PCDH11X: variants seen among roughly 807,000 people sequenced by gnomAD.
PCDH11X encodes the protein protocadherin-11 X-linked.
PCDH11X carries 18 observed loss-of-function variants against 53.3 expected under a neutral mutation model. The ratio of observed to expected loss-of-function variants is 0.34; its 90% confidence interval spans 0.23 to 0.50. The LOEUF (loss-of-function observed/expected upper bound fraction) is 0.50. Ranked by LOEUF, PCDH11X falls within the 20% of genes least tolerant of loss-of-function variation. The probability of loss-of-function intolerance (pLI) is 0.98; values close to 1 mark genes in which losing one functional copy is unlikely to be tolerated. For synonymous variants in PCDH11X, 279 were observed against 393.3 expected, an observed-to-expected ratio of 0.71 and a Z score of 3.44; for missense variants, 570 against 1,032.4, an observed-to-expected ratio of 0.55 and a Z score of 6.14.
chrX:92,406,172 A>C (rs1260750732), intron 9 of PCDH11X, among the ~76,000 whole-genome samples: 2 of 108,918 alleles, frequency 1.8e-5, no homozygotes, highest in African/African-American at 6.7e-5. Flanking sequence ...ATTTATATGC[A>C]TATAGATGAT....
intron 9 of PCDH11X, among the ~76,000 whole-genome samples, chrX:92,388,504 C>T (rs947408687): frequency 9.6e-5 from 10 of 104,684 alleles, no homozygotes; most frequent in African/African-American, 3.5e-4. Context: ...TTGCAAATTC[C>T]AAAGATGTTG....
At chrX:92,364,626 A>G in intron 8 of PCDH11X, among the ~76,000 whole-genome samples, 1 of 110,815 alleles carries the variant, frequency 9.0e-6, no homozygotes, top group Non-Finnish European at 1.9e-5. Context: ...TTCTTCAGTA[A>G]TAAATGAACC....
chrX:91,861,384 C>G (rs1311209950), intron 5 of PCDH11X, among the ~76,000 whole-genome samples: 10 of 110,266 alleles, frequency 9.1e-5, no homozygotes, highest in Non-Finnish European at 1.7e-4. Flanking sequence ...CCATAAACCC[C>G]TGACTGGAGT....
At chrX:91,873,420 C>T (rs1289315563) in intron 5 of PCDH11X, among the ~76,000 whole-genome samples, 1 of 110,946 alleles carries the variant, frequency 9.0e-6, no homozygotes, top group African/African-American at 3.3e-5. Flanking sequence ...TCATATTGAA[C>T]AGAGTAGTTG....
At chrX:92,514,088 T>A (rs954658219) in intron 10 of PCDH11X, among the ~76,000 whole-genome samples, 1 of 112,286 alleles carries the variant, frequency 8.9e-6, no homozygotes, top group Non-Finnish European at 1.9e-5. Flanking sequence ...TGTATGGACA[T>A]GACATATTTT....
At chrX:92,105,192 A>C (rs1172636500) in intron 6 of PCDH11X, among the ~76,000 whole-genome samples, 1 of 111,629 alleles carries the variant, frequency 9.0e-6, no homozygotes, top group Non-Finnish European at 1.9e-5. Context: ...ATTGAAATTA[A>C]GAGAAGGGAG....
rs1396864920 is a variant in PCDH11X at position 91,882,905 on chromosome X, A to T, written c.3033+3632A>T. ...GATAACGTGTTATTTTTCTTGTCCT[A>T]GACTGATTCCAGGACATCAACTATT... On this transcript the variant is annotated intron_variant, in intron 6 of 10. Transcript: ENST00000682573. 5.9e-6 allele frequency: 7 copies of T among 1,184,634 alleles called. No individual in the cohort carries two copies. Among genetic ancestry groups the T allele is most frequent in the Non-Finnish European group, 8.0e-6 (7 of 877,573 alleles).
intron 5 of PCDH11X, among the ~76,000 whole-genome samples, chrX:91,864,892 TTC>T (rs1257003286): frequency 9.0e-6 from 1 of 111,478 alleles, no homozygotes; most frequent in African/African-American, 3.3e-5. Flanking sequence ...TTTGTTAAAT[TTC>T]TCTGATAGAA....
At chrX:91,898,092 G>T (rs1331341633) in intron 6 of PCDH11X, among the ~76,000 whole-genome samples, 2 of 111,491 alleles carry the variant, frequency 1.8e-5, no homozygotes, top group Non-Finnish European at 3.8e-5. Flanking sequence ...ACAGGATCAT[G>T]AGGAGTAAAT....
At chrX:92,542,875 T>C (rs1366610710) in intron 10 of PCDH11X, among the ~76,000 whole-genome samples, 2 of 111,868 alleles carry the variant, frequency 1.8e-5, no homozygotes, top group Non-Finnish European at 1.9e-5. Flanking sequence ...AATATTGTTT[T>C]AGTCTCTTGA....
intron 9 of PCDH11X, among the ~76,000 whole-genome samples, chrX:92,398,003 A>G (rs868348173): frequency 1.8e-5 from 2 of 110,670 alleles, no homozygotes; most frequent in East Asian, 5.7e-4. Flanking sequence ...ACCCAAATTA[A>G]ATCCAAATAT....
At chrX:92,101,728 C>T (rs1905606439) in intron 6 of PCDH11X, among the ~76,000 whole-genome samples, 1 of 110,036 alleles carries the variant, frequency 9.1e-6, no homozygotes, top group African/African-American at 3.3e-5. Flanking sequence ...TTTTAGTTTC[C>T]TGACTCGGGC....
At chrX:92,088,775 C>T (rs2064001082) in intron 6 of PCDH11X, among the ~76,000 whole-genome samples, 1 of 111,441 alleles carries the variant, frequency 9.0e-6, no homozygotes, top group Non-Finnish European at 1.9e-5. Context: ...CCTTCTACTG[C>T]CTTAGAAAAA....
At chrX:91,928,567 T>C (rs1406711033) in intron 6 of PCDH11X, among the ~76,000 whole-genome samples, 1 of 97,527 alleles carries the variant, frequency 1.0e-5, no homozygotes, top group East Asian at 3.2e-4. Context: ...CAGTACACTT[T>C]CGGATACCCT....
At chrX:92,217,208 A>C (rs2066738828) in intron 7 of PCDH11X, among the ~76,000 whole-genome samples, 1 of 111,077 alleles carries the variant, frequency 9.0e-6, no homozygotes, top group African/African-American at 3.3e-5. Flanking sequence ...AACAATATTA[A>C]CTTTAAATGT....
chrX:92,588,352 A>G (rs1312826047), intron 10 of PCDH11X, among the ~76,000 whole-genome samples: 1 of 83,690 alleles, frequency 1.2e-5, no homozygotes, highest in Non-Finnish European at 2.2e-5. Flanking sequence ...GTGGATTTTC[A>G]TATACTTGTG....
intron 6 of PCDH11X, among the ~76,000 whole-genome samples, chrX:92,118,928 A>T (rs2064698001): frequency 9.4e-6 from 1 of 106,018 alleles, no homozygotes; most frequent in Non-Finnish European, 1.9e-5. Context: ...TTTTTAGTAA[A>T]GACGGGGTTT....
At chrX:92,390,149 A>C (rs906290926) in intron 9 of PCDH11X, among the ~76,000 whole-genome samples, 5 of 110,694 alleles carry the variant, frequency 4.5e-5, no homozygotes, top group Non-Finnish European at 9.5e-5. Context: ...TGTTAAGTGA[A>C]TGTTTAAATG....
chrX:92,060,297 TG>T (rs2063506668), intron 6 of PCDH11X, among the ~76,000 whole-genome samples: 1 of 102,274 alleles, frequency 9.8e-6, no homozygotes, highest in South Asian at 4.7e-4. Context: ...TGTTTTATTT[TG>T]TTTCTTTCTT....
Sources: gnomAD v4.1 joint callset for allele counts (sites outside exome capture counted in the v4.1 genomes callset) on GRCh38, gnomAD v4.1.1 for gene constraint, MANE v1.5 for transcripts, NCBI Gene and HGNC (gene_info 2026-07-23, HGNC 2026-07-21) for gene names.